The following FAXC variants were observed in gnomAD, a reference collection of about 807,000 sequenced individuals.
FAXC encodes the protein failed axon connections homolog.
A neutral mutation model predicts 41.9 loss-of-function variants in FAXC; 10 were observed. That is an observed-to-expected ratio of 0.24 (90% confidence interval 0.15 to 0.41). FAXC has a LOEUF of 0.41. FAXC is among the 10% of genes least tolerant of loss of function. The pLI, the probability that FAXC is intolerant of heterozygous loss-of-function variation, is 1.00. For missense variants in FAXC, 399 were observed against 510.9 expected (o/e 0.78, Z 2.11); for synonymous variants, 183 against 183.8 (o/e 1.00, Z 0.03).
chr6:99,330,575 T>C lies in FAXC; in HGVS notation c.599+2776A>G, dbSNP rs1189717728. ...GTGATGTAATATAACAATGCTAGCT[T>C]TCCATTGCCTTTGCTTTTCATAAAA... is the stretch of plus-strand genomic sequence containing the variant. On this transcript the variant is annotated intron_variant, in intron 3 of 5. Coordinates refer to ENST00000389677, the MANE Select transcript of FAXC (RefSeq NM_032511.4). 1.3e-5 allele frequency among the ~76,000 whole-genome samples: 2 copies of C among 152,194 alleles called. 1 individual carries two copies. The highest frequency in any genetic ancestry group is 2.9e-5 in the Non-Finnish European group (2 of 68,036).
chr6:99,283,232 G>A (rs932802886), intron 5 of FAXC, among the ~76,000 whole-genome samples: 1 of 152,084 alleles, frequency 6.6e-6, no homozygotes, highest in African/African-American at 2.4e-5. Flanking sequence ...AATACATAAA[G>A]AAGAAAACAA....
At position 99,349,338 on chromosome 6, in the gene FAXC, G is replaced by C. The variant is rs767759355; in HGVS notation, c.35C>G (p.Pro12Arg). The C allele has an allele frequency of 1.9e-6, 3 of 1,612,578 alleles. No individual in the cohort carries two copies. The highest frequency in any genetic ancestry group is 2.5e-6 in the Non-Finnish European group (3 of 1,179,888). ...GTTCCAGCTCAGATCCACCACGCACGGCCTGGACGAAGCAAAGCCAACCCC... is the reference window on the plus strand; with the variant it reads ...GTTCCAGCTCAGATCCACCACGCACCGCCTGGACGAAGCAAAGCCAACCCC... ...HWGVGFASSRPCVVDLSWNQS... is the reference protein window; with the variant it reads ...HWGVGFASSRRCVVDLSWNQS... Residue 12 changes from proline to arginine, a missense_variant, in exon 1 of 6, where the codon CCG becomes CGG. Transcript: ENST00000389677.
Position 99,291,708 on chromosome 6 carries a change from G to A in FAXC, c.936C>T (p.Ile312=). Residue 312 remains isoleucine (I), a synonymous_variant, in exon 5 of 6, where the codon ATC becomes ATT. Coordinates refer to ENST00000389677, the MANE Select transcript of FAXC (RefSeq NM_032511.4). ...GAAGAAGAGTGTAGGGCTTGCCTTT[G>A]ATCAGCCGTTCGGGTCTTGTCCCTG... ...TLPGTRPERL[I]KGELINLAMY... The A allele has an allele frequency of 6.2e-7, 1 of 1,610,076 alleles. No individual in the cohort carries two copies. The highest frequency in any genetic ancestry group is 8.5e-7 in the Non-Finnish European group (1 of 1,177,010).
chr6:99,333,934 C>A (rs1165191229), intron 2 of FAXC, among the ~76,000 whole-genome samples: 2 of 152,170 alleles, frequency 1.3e-5, no homozygotes, highest in Non-Finnish European at 2.9e-5. Context: ...ATATAAACCA[C>A]AAGGAGGCCT....
At chr6:99,334,941 C>T (rs1020612089) in intron 2 of FAXC, among the ~76,000 whole-genome samples, 2 of 152,128 alleles carry the variant, frequency 1.3e-5, no homozygotes, top group Non-Finnish European at 1.5e-5. Context: ...AGGTGTTTGC[C>T]CACCTCCCTG....
chr6:99,306,848 T>C (rs1028589429), intron 4 of FAXC, among the ~76,000 whole-genome samples: 4 of 152,310 alleles, frequency 2.6e-5, no homozygotes, highest in African/African-American at 9.6e-5. Flanking sequence ...GCTCTCAGAA[T>C]AGTGCTGGCA....
At chr6:99,348,457 C>G (rs1773674565) in intron 1 of FAXC, among the ~76,000 whole-genome samples, 1 of 152,140 alleles carries the variant, frequency 6.6e-6, no homozygotes, top group Admixed American at 6.5e-5. Context: ...CGGCACTGGG[C>G]GACTCCGTGT....
chr6:99,297,215 C>T (rs1021807562), intron 4 of FAXC, among the ~76,000 whole-genome samples: 1 of 152,064 alleles, frequency 6.6e-6, no homozygotes, highest in Admixed American at 6.6e-5. Flanking sequence ...AGAGGGTTGA[C>T]CAGGAGATAA....
intron 4 of FAXC, among the ~76,000 whole-genome samples, chr6:99,299,950 G>T (rs1771641691): frequency 6.6e-6 from 1 of 152,058 alleles, no homozygotes; most frequent in Admixed American, 6.6e-5. Flanking sequence ...GAAAATACCA[G>T]AAGAAGCTCC....
rs936397411 is a variant in FAXC, at chr6:99,275,758, A to G, written c.*5406T>C. 2.6e-5 allele frequency: 4 copies of G among 152,178 alleles called. No individual in the cohort carries two copies. The highest frequency in any genetic ancestry group is 9.7e-5 in the African/African-American group (4 of 41,448). 9.4% of individuals were successfully genotyped at this position (152,178 alleles called of 1,614,324 possible). A position where few individuals can be genotyped will look rare whatever the true frequency, so the allele number is the denominator to read the frequency against. On this transcript the variant is annotated 3_prime_UTR_variant, in exon 6 of 6. Coordinates refer to ENST00000389677, the MANE Select transcript of FAXC (RefSeq NM_032511.4). ...TAAATATCCTTAAGATATTCTTGAA[A>G]GTCAGGGACCAAAAATCTGAGTTTC...
chr6:99,318,302 C>CAA (rs1328926883), intron 4 of FAXC, among the ~76,000 whole-genome samples: 2 of 104,632 alleles, frequency 1.9e-5, no homozygotes, highest in African/African-American at 3.2e-5. Context: ...CACACACACA[C>CAA]ACACAAAATA....
rs1772908951 is a variant in FAXC, at chr6:99,328,580, C to T, written c.599+4771G>A. On this transcript the variant is annotated intron_variant, in intron 3 of 5. Transcript: ENST00000389677. ...TAATATACTCCCCAAATGCCTCCTT[C>T]TTGCCTCTAAACTTGTGCAGATGTT... Among the ~76,000 whole-genome samples the T allele has an allele frequency of 2.0e-5, 3 of 152,218 alleles. No individual in the cohort carries two copies. The South Asian group carries it at 6.2e-4, about 32-fold the overall frequency.
chr6:99,315,225 T>C (rs1582656064), intron 4 of FAXC, among the ~76,000 whole-genome samples: 4 of 86,316 alleles, frequency 4.6e-5, no homozygotes, highest in African/African-American at 5.0e-5. Context: ...TGAGCAACAC[T>C]CCATCTTAAA....
chr6:99,323,607 A>G lies in FAXC; in HGVS notation c.660T>C (p.Leu220=), dbSNP rs1259212384. 8 of 1,614,202 alleles carry G rather than the reference A, an allele frequency of 5.0e-6. No homozygotes were observed. The highest frequency in any genetic ancestry group is 5.9e-6 in the Non-Finnish European group (7 of 1,180,032). Residue 220 remains leucine, a synonymous_variant, in exon 4 of 6, where the codon CTT becomes CTC. Transcript: ENST00000389677. ...GGTTGCTGAAGGGACCACCACCACT[A>G]AGAGAGAGCATCTTCCGGGTCTCAT... ...NLNETRKMLS[L]SGGGPFSNLL... is the part of the protein sequence containing the mutation.
At chr6:99,335,761 T>C (rs1299390260) in intron 2 of FAXC, among the ~76,000 whole-genome samples, 2 of 152,252 alleles carry the variant, frequency 1.3e-5, no homozygotes, top group African/African-American at 4.8e-5. Flanking sequence ...TGCTGACTTT[T>C]CTTCGCAGCA....
chr6:99,292,357 T>C (rs1258601579), intron 4 of FAXC, among the ~76,000 whole-genome samples: 1 of 152,190 alleles, frequency 6.6e-6, no homozygotes, highest in African/African-American at 2.4e-5. Flanking sequence ...TCAGCTTCCA[T>C]GGAAAACAAT....
rs756518704 is a variant in FAXC at position 99,273,884 on chromosome 6, T to C, written c.*7280A>G. On this transcript the variant is annotated 3_prime_UTR_variant, in exon 6 of 6. Coordinates refer to ENST00000389677, the MANE Select transcript of FAXC (RefSeq NM_032511.4). The stretch of plus-strand genomic sequence containing the variant: ...ATATACATATATAGCAGTGTATACA[T>C]ATATACATATATATCATAAATAAAT... 2.0e-5 allele frequency: 3 copies of C among 152,100 alleles called. No homozygotes were observed. Among genetic ancestry groups the C allele is most frequent in the Non-Finnish European group, 4.4e-5 (3 of 68,012 alleles). 9.4% of individuals were successfully genotyped at this position (152,100 alleles called of 1,614,324 possible).
At chr6:99,341,847 T>C (rs1773439308) in intron 2 of FAXC, among the ~76,000 whole-genome samples, 6 of 152,334 alleles carry the variant, frequency 3.9e-5, no homozygotes, top group Admixed American at 3.9e-4. Context: ...CTTCAGTGAA[T>C]TCCAAGGAAT....
Position 99,273,148 on chromosome 6 carries a change from C to T in FAXC, c.*8016G>A, listed in dbSNP as rs1189064493. On this transcript the variant is annotated 3_prime_UTR_variant, in exon 6 of 6. Transcript: ENST00000389677. ...AATGCCATCTTCACATTGGGGTCAT[C>T]ATTCAGCAAGATGCTAATCATTGTG... 1 of 152,130 alleles carries T rather than the reference C, an allele frequency of 6.6e-6. No individual in the cohort carries two copies. The highest frequency in any genetic ancestry group is 1.5e-5 in the Non-Finnish European group (1 of 68,040). The allele number at this position is 152,130 out of a possible 1,614,324, so 9.4% of individuals were successfully genotyped here.
Sources: allele counts gnomAD v4.1 joint callset (sites outside exome capture counted in the v4.1 genomes callset), GRCh38; gene constraint gnomAD v4.1.1; transcripts MANE v1.5; gene names NCBI Gene and HGNC (gene_info 2026-07-23, HGNC 2026-07-21).